The following TMEM117 variants were observed in gnomAD, a reference collection of about 807,000 sequenced individuals.
TMEM117 encodes the protein transmembrane protein 117.
A neutral mutation model predicts 52.4 loss-of-function variants in TMEM117; 27 were observed. That is an observed-to-expected ratio of 0.51 (90% CI 0.38 to 0.71). The LOEUF is 0.71. Among genes scored for constraint, TMEM117 ranks in the 30% least tolerant of loss-of-function variants. TMEM117 has a pLI of 0.00. For missense variants in TMEM117, 556 were observed against 630.5 expected, an observed-to-expected ratio of 0.88 and a Z score of 1.26; for synonymous variants, 215 against 206.3, an observed-to-expected ratio of 1.04 and a Z score of -0.36.
intron 7 of TMEM117, among the ~76,000 whole-genome samples, chr12:44,382,813 T>C (rs1952038431): frequency 6.6e-6 from 1 of 152,194 alleles, no homozygotes; most frequent in Non-Finnish European, 1.5e-5. Flanking sequence ...CTTCATAAAT[T>C]AATAAGTAAA....
intron 4 of TMEM117, among the ~76,000 whole-genome samples, chr12:44,205,366 A>G (rs1380642393): frequency 6.6e-6 from 1 of 152,154 alleles, no homozygotes; most frequent in East Asian, 1.9e-4. Context: ...CATGATTGTG[A>G]GACCTTCCCA....
At chr12:43,797,265 A>T in the TMEM117 span, 1 of 1,544,364 alleles carries the variant, frequency 6.5e-7, no homozygotes, top group African/African-American at 1.4e-5. Flanking sequence ...CAATAAACAA[A>T]CTGAAAGTAA....
chr12:44,066,757 A>G (rs915013732), intron 3 of TMEM117, among the ~76,000 whole-genome samples: 1 of 152,186 alleles, frequency 6.6e-6, no homozygotes, highest in Non-Finnish European at 1.5e-5. Context: ...CTTGATGATA[A>G]TGGCTGCTGA....
intron 3 of TMEM117, among the ~76,000 whole-genome samples, chr12:44,017,307 T>G (rs1442331371): frequency 6.7e-6 from 1 of 149,292 alleles, no homozygotes; most frequent in East Asian, 1.9e-4. Context: ...CATATCAAGC[T>G]TTTCCTTTTC....
intron 3 of TMEM117, among the ~76,000 whole-genome samples, chr12:44,072,396 T>G (rs1355227670): frequency 6.6e-6 from 1 of 152,214 alleles, no homozygotes; most frequent in Non-Finnish European, 1.5e-5. Flanking sequence ...TCTCTCTGCC[T>G]GAATCCTCAG....
chr12:44,165,335 A>G (rs966975437), intron 4 of TMEM117, among the ~76,000 whole-genome samples: 1 of 152,238 alleles, frequency 6.6e-6, no homozygotes, highest in African/African-American at 2.4e-5. Context: ...CCAGAAAACA[A>G]TTAACAAAAT....
upstream of TMEM117, among the ~76,000 whole-genome samples, chr12:43,834,296 TAC>T (rs1017932357): frequency 2.6e-4 from 40 of 152,286 alleles, no homozygotes; most frequent in African/African-American, 8.9e-4. Context: ...TAATATTAAT[TAC>T]AGTTATAAAA....
At chr12:44,231,119 C>T (rs571689352) in intron 5 of TMEM117, among the ~76,000 whole-genome samples, 2 of 151,994 alleles carry the variant, frequency 1.3e-5, no homozygotes, top group African/African-American at 2.4e-5. Flanking sequence ...CCCTTTCTTC[C>T]ACTCCAAGGA....
chr12:44,326,343 G>A (rs540204241), intron 6 of TMEM117, among the ~76,000 whole-genome samples: 1 of 152,088 alleles, frequency 6.6e-6, no homozygotes, highest in Non-Finnish European at 1.5e-5. Flanking sequence ...TTTTCTTTGT[G>A]ATATCTGCTT....
chr12:44,115,423 G>A (rs562459653), intron 3 of TMEM117, among the ~76,000 whole-genome samples: 5 of 152,174 alleles, frequency 3.3e-5, no homozygotes, highest in South Asian at 4.1e-4. Flanking sequence ...AAACCTGCAC[G>A]TTATACACAT....
intron 3 of TMEM117, among the ~76,000 whole-genome samples, chr12:43,968,670 G>A (rs923478192): frequency 1.3e-5 from 2 of 151,924 alleles, no homozygotes; most frequent in African/African-American, 4.8e-5. Context: ...ATCCTATTCT[G>A]CTATAGGGGT....
chr12:44,146,071 G>A (rs992144223), intron 4 of TMEM117, among the ~76,000 whole-genome samples: 1 of 152,020 alleles, frequency 6.6e-6, no homozygotes, highest in South Asian at 2.1e-4. Flanking sequence ...CATAGGGAGG[G>A]GTCCAATTGC....
At chr12:44,053,895 A>C (rs1049441862) in intron 3 of TMEM117, among the ~76,000 whole-genome samples, 1 of 152,188 alleles carries the variant, frequency 6.6e-6, no homozygotes, top group Non-Finnish European at 1.5e-5. Flanking sequence ...ATAGAATGAA[A>C]ATGCAACAGA....
At chr12:43,928,840 C>T (rs187876018) in intron 2 of TMEM117, among the ~76,000 whole-genome samples, 12 of 150,028 alleles carry the variant, frequency 8.0e-5, no homozygotes, top group East Asian at 5.9e-4. Context: ...TGAGAATATG[C>T]GGTGTTTGGT....
the TMEM117 span, among the ~76,000 whole-genome samples, chr12:43,808,359 G>T: frequency 1.1e-4 from 17 of 152,312 alleles, no homozygotes; most frequent in South Asian, 6.2e-4. Context: ...GAGAAAGCAC[G>T]TGAATGACCC....
chr12:44,251,882 T>C (rs934728659), intron 5 of TMEM117, among the ~76,000 whole-genome samples: 12 of 152,206 alleles, frequency 7.9e-5, no homozygotes, highest in African/African-American at 2.7e-4. Flanking sequence ...TTAGAAACTG[T>C]TACTATCTTA....
intron 5 of TMEM117, among the ~76,000 whole-genome samples, chr12:44,261,399 A>G: frequency 6.6e-6 from 1 of 152,226 alleles, no homozygotes; most frequent in East Asian, 1.9e-4. Flanking sequence ...AATGTGGAAA[A>G]TGCAAAACAA....
At chr12:44,386,428 T>C (rs977090136) in intron 7 of TMEM117, among the ~76,000 whole-genome samples, 1 of 152,152 alleles carries the variant, frequency 6.6e-6, no homozygotes, top group Non-Finnish European at 1.5e-5. Context: ...AAAAAATCAT[T>C]CAGGCAAGAG....
chr12:44,102,088 T>C (rs1947870921), intron 3 of TMEM117, among the ~76,000 whole-genome samples: 1 of 151,760 alleles, frequency 6.6e-6, no homozygotes, highest in Admixed American at 6.6e-5. Context: ...ATTAGAATAA[T>C]GAAGAACAGG....
Sources: allele counts gnomAD v4.1 joint callset (sites outside exome capture counted in the v4.1 genomes callset), GRCh38; gene constraint gnomAD v4.1.1; transcripts MANE v1.5; gene names NCBI Gene and HGNC (gene_info 2026-07-23, HGNC 2026-07-21).